Variants in SENP7 observed in about 807,000 individuals in gnomAD.
SENP7 encodes the protein SUMO specific peptidase 7.
In SENP7, 64 loss-of-function variants were observed where a neutral mutation model predicts 141.2. That is an observed-to-expected ratio of 0.45 (90% CI 0.37 to 0.56). The LOEUF is 0.56. Ranked by LOEUF, SENP7 falls within the 20% of genes least tolerant of loss-of-function variation. SENP7 has a pLI of 0.00. For missense variants in SENP7, 1,025 were observed against 1,212.2 expected (o/e 0.85, Z 2.29); for synonymous variants, 382 against 426.4 (o/e 0.90, Z 1.28).
chr3:101,344,560 A>T (rs2059405954), intron 13 of SENP7, among the ~76,000 whole-genome samples: 1 of 152,204 alleles, frequency 6.6e-6, no homozygotes, highest in African/African-American at 2.4e-5. Context: ...GGGATCAAAC[A>T]GGTAAGAAAG....
intron 10 of SENP7, 74 bp from the exon 11 acceptor site, chr3:101,361,935 C>A: frequency 7.0e-7 from 1 of 1,433,304 alleles, no homozygotes; most frequent in East Asian, 2.6e-5. Context: ...CTTTCACCAT[C>A]AAATTCTTCT....
intron 19 of SENP7, among the ~76,000 whole-genome samples, chr3:101,330,855 T>C (rs3817409): frequency 0.4 from 61,303 of 152,088 alleles, 12,804 homozygotes; most frequent in Admixed American, 0.54. Context: ...TTAATGCTAA[T>C]GGCTATTTTT....
intron 2 of SENP7, among the ~76,000 whole-genome samples, chr3:101,499,920 C>T (rs1292410776): frequency 6.6e-6 from 1 of 151,842 alleles, no homozygotes; most frequent in East Asian, 2.0e-4. Context: ...CCGCCCGCCT[C>T]AGCACAAGAT....
chr3:101,387,764 C>G (rs1413564339), intron 6 of SENP7, among the ~76,000 whole-genome samples: 1 of 152,324 alleles, frequency 6.6e-6, no homozygotes, highest in South Asian at 2.1e-4. Context: ...TCAACCTGCC[C>G]CATCTGTAAC....
chr3:101,453,665 A>G (rs1196624204), intron 4 of SENP7, among the ~76,000 whole-genome samples: 8 of 151,760 alleles, frequency 5.3e-5, no homozygotes, highest in Non-Finnish European at 1.2e-4. Context: ...GAATTGAACA[A>G]TGAGAACACA....
Position 101,417,726 on chromosome 3 carries a change from G to C in SENP7, c.349C>G (p.Leu117Val). 6.2e-7 allele frequency: 1 copy of C among 1,613,964 alleles called. No homozygotes were observed. Among genetic ancestry groups the C allele is most frequent in the Non-Finnish European group, 8.5e-7 (1 of 1,179,864 alleles). ...CATAAATTAGCATCGTTTCTAGGTA[G>C]GGTCTTTCTGAATTTTCGTCCTAAA... ...TDLGRKFRKTLPRNDANLCDA... is the reference protein window; with the variant it reads ...TDLGRKFRKTVPRNDANLCDA... Residue 117 changes from leucine (L) to valine (V), a missense_variant, in exon 5 of 24, where the codon CTA becomes GTA. Physicochemically the swap from Leu to Val is conservative, Grantham distance 32. Coordinates refer to ENST00000394095, the MANE Select transcript of SENP7 (RefSeq NM_020654.5).
At chr3:101,482,300 G>A (rs1393365235) in intron 3 of SENP7, among the ~76,000 whole-genome samples, 12 of 149,424 alleles carry the variant, frequency 8.0e-5, no homozygotes, top group Admixed American at 1.3e-4. Context: ...GCGACAGAGC[G>A]AGACTCTGTC....
intron 6 of SENP7, among the ~76,000 whole-genome samples, chr3:101,398,017 A>T (rs1413300974): frequency 6.6e-6 from 1 of 152,228 alleles, no homozygotes; most frequent in Non-Finnish European, 1.5e-5. Flanking sequence ...TATTGGCACA[A>T]CAAGCTACAT....
At chr3:101,351,284 T>C (rs1225967824) in intron 12 of SENP7, among the ~76,000 whole-genome samples, 3 of 151,960 alleles carry the variant, frequency 2.0e-5, no homozygotes, top group African/African-American at 7.2e-5. Flanking sequence ...ACATTTTACA[T>C]GTTTGTGTGC....
At chr3:101,387,859 G>A (rs2060704071) in intron 6 of SENP7, among the ~76,000 whole-genome samples, 1 of 152,178 alleles carries the variant, frequency 6.6e-6, no homozygotes, top group Non-Finnish European at 1.5e-5. Context: ...GTATTGTCAG[G>A]GGGACTAGGG....
chr3:101,333,020 G>A, intron 17 of SENP7, 158 bp from the exon 18 acceptor site: 1 of 630,160 alleles, frequency 1.6e-6, no homozygotes, highest in Non-Finnish European at 2.5e-6. Flanking sequence ...TCTCCTTATA[G>A]TAACCCCTGG....
At chr3:101,358,189 G>A in intron 11 of SENP7, 1 of 612,692 alleles carries the variant, frequency 1.6e-6, no homozygotes, top group Non-Finnish European at 2.8e-6. Flanking sequence ...GATCAATGTG[G>A]CAAAACCTTC....
chr3:101,349,369 C>T (rs940519672), intron 12 of SENP7, among the ~76,000 whole-genome samples: 4 of 152,160 alleles, frequency 2.6e-5, no homozygotes, highest in African/African-American at 7.2e-5. Context: ...ACAACTACTA[C>T]TAATCTAATT....
At chr3:101,416,182 A>G (rs2061615170) in intron 5 of SENP7, among the ~76,000 whole-genome samples, 1 of 152,176 alleles carries the variant, frequency 6.6e-6, no homozygotes. Context: ...TCACCCACTA[A>G]CTGAACAATA....
intron 3 of SENP7, among the ~76,000 whole-genome samples, chr3:101,477,622 G>C (rs576805556): frequency 6.6e-6 from 1 of 152,224 alleles, no homozygotes; most frequent in South Asian, 2.1e-4. Flanking sequence ...AGGCTGATGT[G>C]GGTGGATCAC....
At chr3:101,336,520 C>T (rs2107152736) in intron 17 of SENP7, among the ~76,000 whole-genome samples, 1 of 152,274 alleles carries the variant, frequency 6.6e-6, no homozygotes, top group South Asian at 2.1e-4. Flanking sequence ...CATTAGACTG[C>T]TTCCTCATAT....
At chr3:101,466,399 A>G (rs906384387) in intron 3 of SENP7, among the ~76,000 whole-genome samples, 2 of 152,230 alleles carry the variant, frequency 1.3e-5, no homozygotes, top group Non-Finnish European at 2.9e-5. Flanking sequence ...GAAAATCCCC[A>G]TAAGATTAAA....
At chr3:101,444,370 G>C (rs967789578) in intron 4 of SENP7, among the ~76,000 whole-genome samples, 1 of 151,898 alleles carries the variant, frequency 6.6e-6, no homozygotes, top group African/African-American at 2.4e-5. Context: ...AATACCATTT[G>C]ACCCAGCCAT....
At chr3:101,373,627 A>G (rs1166850261) in intron 6 of SENP7, among the ~76,000 whole-genome samples, 2 of 152,222 alleles carry the variant, frequency 1.3e-5, no homozygotes, top group African/African-American at 4.8e-5. Flanking sequence ...AAAAGACTTT[A>G]TAACAGAGGA....
Sources: gnomAD v4.1 joint callset for allele counts (sites outside exome capture counted in the v4.1 genomes callset) on GRCh38, gnomAD v4.1.1 for gene constraint, MANE v1.5 for transcripts, NCBI Gene and HGNC (gene_info 2026-07-23, HGNC 2026-07-21) for gene names.